UGT1A10: variants seen among roughly 807,000 people sequenced by gnomAD.
UGT1A10 encodes UDP-glucuronosyltransferase 1A10.
A neutral mutation model predicts 45.8 loss-of-function variants in UGT1A10; 49 were observed. That is an observed-to-expected ratio of 1.07 (90% confidence interval 0.85 to 1.36). The LOEUF (loss-of-function observed/expected upper bound fraction) is 1.36. Ranked by LOEUF, UGT1A10 falls within the 40% of genes most tolerant of loss-of-function variation. The pLI is 0.00. For missense variants in UGT1A10, 745 were observed against 668.6 expected, an observed-to-expected ratio of 1.11 and a Z score of -1.26; for synonymous variants, 284 against 249.7, an observed-to-expected ratio of 1.14 and a Z score of -1.29.
chr2:233,751,234 G>T (rs1326079601), intron 1 of UGT1A10, among the ~76,000 whole-genome samples: 1 of 151,962 alleles, frequency 6.6e-6, no homozygotes, highest in East Asian at 1.9e-4. Flanking sequence ...GCCCTGCCTG[G>T]TTTTGGACTT....
At position 233,691,540 on chromosome 2, in the gene UGT1A10, T is replaced by C. The variant is rs924016085; in HGVS notation, c.855+54163T>C. 7.1e-6 allele frequency: 7 copies of C among 985,598 alleles called. No individual in the cohort carries two copies. In the South Asian group the frequency reaches 3.3e-4, roughly 46 times the overall value. The allele number at this position is 985,598 out of a possible 1,614,324, so 61.1% of individuals were successfully genotyped here. ...GTGTGCATGACTAGCTCTGGGCAAG[T>C]CTGTTCTAGTAATTCAAGGTACCAC... On this transcript the variant is annotated intron_variant, in intron 1 of 4. Transcript: ENST00000344644.
chr2:233,743,907 A>G, intron 1 of UGT1A10: 2 of 1,366,260 alleles, frequency 1.5e-6, no homozygotes, highest in Non-Finnish European at 2.0e-6. Flanking sequence ...ACCTCGTAGT[A>G]GTCCACCATG....
At chr2:233,739,849 C>T (rs1691223512) in intron 1 of UGT1A10, among the ~76,000 whole-genome samples, 2 of 151,976 alleles carry the variant, frequency 1.3e-5, no homozygotes, top group Admixed American at 1.3e-4. Context: ...TTGGGATGGG[C>T]CAGAGGGCAG....
Position 233,769,629 on chromosome 2 carries a change from CAG to C in UGT1A10, c.1295+1191_1295+1192del, listed in dbSNP as rs1699910145. On this transcript the variant is annotated intron_variant, in intron 4 of 4. Transcript: ENST00000344644. The surrounding 1 kb of genome is among the most constrained non-coding windows in gnomAD (Gnocchi z 4.4). ...ACACACCAGCTTGAGCAAGGGACAA[CAG>C]GGGAGGACTGATGACTGACTTCCCA... 1.2e-6 allele frequency: 2 copies of C among 1,611,730 alleles called. No homozygotes were observed.
At position 233,752,043 on chromosome 2, in the gene UGT1A10, T is replaced by C. The variant is rs1333661781; in HGVS notation, c.856-14991T>C. Among the ~76,000 whole-genome samples the C allele has an allele frequency of 2.0e-5, 3 of 152,216 alleles. No homozygotes were observed. The South Asian group carries it at 6.2e-4, about 32-fold the overall frequency. ...AGAAATTCCTAGAAAGGTAAGCTGT[T>C]GTGTGAATGATTTCCCGAGATGGGG... On this transcript the variant is annotated intron_variant, in intron 1 of 4. Coordinates refer to ENST00000344644, the MANE Select transcript of UGT1A10 (RefSeq NM_019075.4).
At chr2:233,672,679 T>C (rs2125502609) in intron 1 of UGT1A10, 1 of 1,613,898 alleles carries the variant, frequency 6.2e-7, no homozygotes, top group African/African-American at 1.3e-5. Flanking sequence ...CAGCCACACA[T>C]CAATTTGGTT....
At chr2:233,682,533 A>G in intron 1 of UGT1A10, 1 of 1,613,842 alleles carries the variant, frequency 6.2e-7, no homozygotes, top group Non-Finnish European at 8.5e-7. Flanking sequence ...GGGTTCTCAG[A>G]CGCCATGACT....
chr2:233,740,221 TC>T (rs1691341111), intron 1 of UGT1A10, among the ~76,000 whole-genome samples: 1 of 151,864 alleles, frequency 6.6e-6, no homozygotes, highest in Non-Finnish European at 1.5e-5. Flanking sequence ...CTCAGCTGCG[TC>T]TTTATAGCAG....
chr2:233,653,103 A>T (rs1229252094), intron 1 of UGT1A10, among the ~76,000 whole-genome samples: 1 of 152,246 alleles, frequency 6.6e-6, no homozygotes, highest in Non-Finnish European at 1.5e-5. Flanking sequence ...CCACAGTCCC[A>T]AAAGACCTGA....
chr2:233,772,427 C>T lies in UGT1A10; in HGVS notation c.1461C>T (p.Asp487=), dbSNP rs114123636. ...CCTGGTACCAGTACCATTCCTTGGA[C>T]GTGATTGGTTTCCTCTTGGCCGTCG... ...DLTWYQYHSL[D]VIGFLLAVVL... is the part of the protein sequence containing the mutation. The change falls in exon 5 of 5, where the codon GAC becomes GAT. Residue 487 remains aspartate, a synonymous_variant. Coordinates refer to ENST00000344644, the MANE Select transcript of UGT1A10 (RefSeq NM_019075.4). The T allele has an allele frequency of 1.1e-4, 177 of 1,614,220 alleles. No homozygotes were observed. The highest frequency in any genetic ancestry group is 8.7e-4 in the East Asian group (39 of 44,876).
intron 1 of UGT1A10, among the ~76,000 whole-genome samples, chr2:233,640,393 A>G (rs1267993333): frequency 6.6e-6 from 1 of 152,118 alleles, no homozygotes; most frequent in African/African-American, 2.4e-5. Context: ...ATATTTTATT[A>G]AATATAAAAA....
At chr2:233,672,500 A>G (rs2125502287) in intron 1 of UGT1A10, 1 of 1,613,864 alleles carries the variant, frequency 6.2e-7, no homozygotes, top group Non-Finnish European at 8.5e-7. Context: ...CCTCTTTCCT[A>G]TGTCCCCAGA....
chr2:233,746,992 G>A (rs1559391678), intron 1 of UGT1A10, among the ~76,000 whole-genome samples: 2 of 151,858 alleles, frequency 1.3e-5, no homozygotes, highest in Non-Finnish European at 2.9e-5. Context: ...AGGGTCAGAT[G>A]AGTTTTTCAA....
intron 1 of UGT1A10, among the ~76,000 whole-genome samples, chr2:233,661,995 G>A (rs571765797): frequency 6.6e-6 from 1 of 152,062 alleles, no homozygotes; most frequent in Non-Finnish European, 1.5e-5. Flanking sequence ...CTCACACGGC[G>A]TACTGAGTGG....
chr2:233,675,310 G>A (rs781649686), intron 1 of UGT1A10, among the ~76,000 whole-genome samples: 1 of 152,178 alleles, frequency 6.6e-6, no homozygotes, highest in Non-Finnish European at 1.5e-5. Flanking sequence ...TAATGTGTGT[G>A]TGTTGATTAA....
intron 1 of UGT1A10, among the ~76,000 whole-genome samples, chr2:233,653,411 T>C (rs2125478977): frequency 6.6e-6 from 1 of 152,258 alleles, no homozygotes; most frequent in Middle Eastern, 3.4e-3. Flanking sequence ...AAGTAATAGG[T>C]TAAAAAAGGA....
At chr2:233,639,827 C>G (rs1285004204) in intron 1 of UGT1A10, among the ~76,000 whole-genome samples, 2 of 152,168 alleles carry the variant, frequency 1.3e-5, no homozygotes, top group African/African-American at 2.4e-5. Context: ...TATGGTCATT[C>G]TTTTACATTT....
intron 1 of UGT1A10, among the ~76,000 whole-genome samples, chr2:233,702,208 A>C (rs2075676180): frequency 6.6e-6 from 1 of 152,148 alleles, no homozygotes; most frequent in South Asian, 2.1e-4. Context: ...GCCATTAATC[A>C]ACTTTCTGTC....
chr2:233,647,522 T>C (rs1390428208), intron 1 of UGT1A10, among the ~76,000 whole-genome samples: 2 of 152,244 alleles, frequency 1.3e-5, no homozygotes, highest in Non-Finnish European at 2.9e-5. Context: ...TTTACCGTTT[T>C]GTTTGTGGGA....
Sources: gnomAD v4.1 joint callset for allele counts (sites outside exome capture counted in the v4.1 genomes callset) on GRCh38, gnomAD v4.1.1 for gene constraint, Gnocchi (gnomAD v3.1) non-coding constraint, MANE v1.5 for transcripts, NCBI Gene and HGNC (gene_info 2026-07-23, HGNC 2026-07-21) for gene names.